The following TSPAN18 variants were observed in gnomAD, a reference collection of about 807,000 sequenced individuals.
TSPAN18 encodes tetraspanin 18.
In TSPAN18, 14 loss-of-function variants were observed where a neutral mutation model predicts 27.3. That is an observed-to-expected ratio of 0.51 (90% confidence interval 0.34 to 0.80). The LOEUF (loss-of-function observed/expected upper bound fraction) is 0.80. Among genes scored for constraint, TSPAN18 ranks in the 30% least tolerant of loss-of-function variants. The probability of loss-of-function intolerance (pLI) is 0.01; values close to 1 mark genes in which losing one functional copy is unlikely to be tolerated. For missense variants in TSPAN18, 268 were observed against 323.9 expected, an observed-to-expected ratio of 0.83 and a Z score of 1.32; for synonymous variants, 143 against 136.5, an observed-to-expected ratio of 1.05 and a Z score of -0.33.
intron 2 of TSPAN18, among the ~76,000 whole-genome samples, chr11:44,794,604 G>A (rs1053483339): frequency 7.9e-5 from 12 of 151,996 alleles, no homozygotes; most frequent in Non-Finnish European, 1.5e-4. Flanking sequence ...GAAGGCGGAG[G>A]CTGCAGTGAG....
At chr11:44,729,657 A>G (rs996687112) in intron 1 of TSPAN18, among the ~76,000 whole-genome samples, 1 of 152,180 alleles carries the variant, frequency 6.6e-6, no homozygotes, top group Admixed American at 6.5e-5. Context: ...AAATGGTAGC[A>G]CATCATTGAA....
intron 1 of TSPAN18, among the ~76,000 whole-genome samples, chr11:44,739,095 C>T (rs1854868129): frequency 6.6e-6 from 1 of 152,154 alleles, no homozygotes. Flanking sequence ...TGACTTCTCT[C>T]CTGGCCCTTT....
rs375991246 is a variant in TSPAN18, at chr11:44,921,588, G to T, written c.615+1589G>T. 7.9e-5 allele frequency among the ~76,000 whole-genome samples: 12 copies of T among 152,254 alleles called. 1 individual carries two copies. In the East Asian group the frequency reaches 1.9e-3, roughly 24 times the overall value. ...CCACCCCTCCTTTTTTCTCTGGCTA[G>T]GACTTGGCAGAGGGAGGTGGCCCCT... On this transcript the variant is annotated intron_variant, in intron 8 of 9. Transcript: ENST00000520358.
chr11:44,779,165 G>A (rs1006452608), intron 2 of TSPAN18, among the ~76,000 whole-genome samples: 4 of 152,008 alleles, frequency 2.6e-5, no homozygotes, highest in East Asian at 3.9e-4. Context: ...ATTGTGCTCC[G>A]TTTCCTTCTA....
At chr11:44,837,755 C>T (rs1263644604) in intron 2 of TSPAN18, among the ~76,000 whole-genome samples, 1 of 152,232 alleles carries the variant, frequency 6.6e-6, no homozygotes, top group African/African-American at 2.4e-5. Context: ...GACCATCCAC[C>T]AGCAAAAACA....
At chr11:44,882,808 C>T (rs1858533122) in intron 3 of TSPAN18, among the ~76,000 whole-genome samples, 1 of 152,164 alleles carries the variant, frequency 6.6e-6, no homozygotes, top group South Asian at 2.1e-4. Flanking sequence ...GAAGCCTGAA[C>T]TTAAACCCAG....
At chr11:44,883,437 G>A (rs1410824953) in intron 3 of TSPAN18, among the ~76,000 whole-genome samples, 5 of 152,314 alleles carry the variant, frequency 3.3e-5, no homozygotes, top group East Asian at 3.9e-4. Context: ...ATAACAGCGC[G>A]TGCTTCTTTT....
At position 44,794,670 on chromosome 11, in the gene TSPAN18, G is replaced by GA. The variant is rs777191059; in HGVS notation, c.-153+30170dup. 7.4e-3 allele frequency among the ~76,000 whole-genome samples: 1,047 copies of GA among 140,742 alleles called. 12 individuals carry two copies. Among genetic ancestry groups the GA allele is most frequent in the African/African-American group, 0.022 (834 of 38,572 alleles). The allele number at this position is 140,742 out of a possible 152,430, so 92.3% of individuals were successfully genotyped here. A position where few individuals can be genotyped will look rare whatever the true frequency, so the allele number is the denominator to read the frequency against. ...GCAACAGAGCAAGACTCTGTCTCAG[G>GA]AAAAAAAAAAAAGGGAGAACTCAGT... On this transcript the variant is annotated intron_variant, in intron 2 of 9. Coordinates refer to ENST00000520358, the MANE Select transcript of TSPAN18 (RefSeq NM_130783.5).
In TSPAN18 at chr11:44,854,209, G is replaced by GC. The variant is rs923698866; in HGVS notation, c.-152-6119_-152-6118insC. On this transcript the variant is annotated intron_variant, in intron 2 of 9. Transcript: ENST00000520358. The stretch of plus-strand genomic sequence containing the variant: ...TCATTGGGGCAGGGGGTGGGGGGGG[G>GC]GGTTTGTGTGCGTGTGATGTGGGTG... Among the ~76,000 whole-genome samples the GC allele has an allele frequency of 3.6e-4, 48 of 133,620 alleles. 3 individuals carry two copies. Among genetic ancestry groups the GC allele is most frequent in the Admixed American group, 2.7e-3 (37 of 13,476 alleles). 87.7% of individuals were successfully genotyped at this position (133,620 alleles called of 152,430 possible).
rs1031133840 is a variant in TSPAN18 at position 44,860,427 on chromosome 11, C to T, written c.-53C>T. ...CCCTTGAATTTGATTTCTGGAGACGCGAGCATAATCCTTTTGCAGACATCT... is the reference window on the plus strand; with the variant it reads ...CCCTTGAATTTGATTTCTGGAGACGTGAGCATAATCCTTTTGCAGACATCT... On this transcript the variant is annotated 5_prime_UTR_variant, in exon 3 of 10. Coordinates refer to ENST00000520358, the MANE Select transcript of TSPAN18 (RefSeq NM_130783.5). The T allele has an allele frequency of 2.6e-5, 4 of 152,192 alleles. No individual in the cohort carries two copies. Among genetic ancestry groups the T allele is most frequent in the African/African-American group, 4.8e-5 (2 of 41,448 alleles). The allele number at this position is 152,192 out of a possible 1,614,324, so 9.4% of individuals were successfully genotyped here. A position where few individuals can be genotyped will look rare whatever the true frequency, so the allele number is the denominator to read the frequency against.
At chr11:44,892,111 C>T (rs1396422137) in intron 3 of TSPAN18, among the ~76,000 whole-genome samples, 4 of 152,166 alleles carry the variant, frequency 2.6e-5, no homozygotes, top group African/African-American at 9.7e-5. Flanking sequence ...CCACAGCAGG[C>T]TGAGTCAACC....
chr11:44,921,220 C>T (rs1438833590), intron 8 of TSPAN18, among the ~76,000 whole-genome samples: 1 of 152,146 alleles, frequency 6.6e-6, no homozygotes, highest in Non-Finnish European at 1.5e-5. Context: ...GGACGTGGGG[C>T]AGAGAGACCT....
chr11:44,848,741 C>T (rs1488848018), intron 2 of TSPAN18, among the ~76,000 whole-genome samples: 1 of 152,240 alleles, frequency 6.6e-6, no homozygotes, highest in Non-Finnish European at 1.5e-5. Flanking sequence ...GGAGCTGCCT[C>T]CTGGAGTCTG....
intron 3 of TSPAN18, among the ~76,000 whole-genome samples, chr11:44,877,761 A>G (rs1481595456): frequency 6.6e-6 from 1 of 152,200 alleles, no homozygotes; most frequent in Non-Finnish European, 1.5e-5. Flanking sequence ...AGAAATTCCC[A>G]GGCCTCCTAA....
chr11:44,831,129 A>G (rs1857145334), intron 2 of TSPAN18, among the ~76,000 whole-genome samples: 1 of 152,106 alleles, frequency 6.6e-6, no homozygotes, highest in South Asian at 2.1e-4. Flanking sequence ...AACAACAACA[A>G]CAAAACAAAC....
intron 2 of TSPAN18, among the ~76,000 whole-genome samples, chr11:44,780,798 GTGAA>G (rs1855920321): frequency 6.6e-6 from 1 of 152,218 alleles, no homozygotes; most frequent in African/African-American, 2.4e-5. Flanking sequence ...CTTGAGCCCT[GTGAA>G]TGGTAGCTGT....
chr11:44,827,935 G>A (rs541396318), intron 2 of TSPAN18, among the ~76,000 whole-genome samples: 5 of 152,306 alleles, frequency 3.3e-5, no homozygotes, highest in East Asian at 1.9e-4. Context: ...AGTCCAGGGC[G>A]CAGGAGTTTT....
chr11:44,902,297 TAGAAAAGGTG>T (rs1266741132), intron 3 of TSPAN18, among the ~76,000 whole-genome samples: 1 of 151,924 alleles, frequency 6.6e-6, no homozygotes, highest in Non-Finnish European at 1.5e-5. Flanking sequence ...GACACAGAGG[TAGAAAAGGTG>T]ATGGGCTGGG....
intron 3 of TSPAN18, among the ~76,000 whole-genome samples, chr11:44,888,210 C>T (rs75823207): frequency 0.18 from 27,659 of 152,124 alleles, 3,364 homozygotes; most frequent in Non-Finnish European, 0.27. Flanking sequence ...GGCAGGTGCC[C>T]GGGACTTTAG....
Sources: allele counts gnomAD v4.1 joint callset (sites outside exome capture counted in the v4.1 genomes callset), GRCh38; gene constraint gnomAD v4.1.1; transcripts MANE v1.5; gene names NCBI Gene and HGNC (gene_info 2026-07-23, HGNC 2026-07-21).